Variants in TPRG1 observed in about 807,000 individuals in gnomAD.
TPRG1 encodes tumor protein p63-regulated gene 1 protein.
In TPRG1, 29 loss-of-function variants were observed where a neutral mutation model predicts 29.3. The ratio of observed to expected loss-of-function variants is 0.99; its 90% CI spans 0.74 to 1.35. The LOEUF (loss-of-function observed/expected upper bound fraction) is 1.35, where lower values mean the gene tolerates loss of function less well. TPRG1 is among the 40% of genes most tolerant of loss of function. The pLI is 0.00. For synonymous variants in TPRG1, 130 were observed against 116.8 expected, an observed-to-expected ratio of 1.11 and a Z score of -0.73; for missense variants, 327 against 335.0, an observed-to-expected ratio of 0.98 and a Z score of 0.19.
intron 4 of TPRG1, among the ~76,000 whole-genome samples, chr3:189,291,379 CTT>C (rs1251394005): frequency 6.6e-6 from 1 of 152,154 alleles, no homozygotes; most frequent in African/African-American, 2.4e-5. Context: ...AATGGAGTCT[CTT>C]TTATCTCTGA....
chr3:189,042,384 G>A (rs1258256518), intron 4 of TPRG1, among the ~76,000 whole-genome samples: 1 of 152,046 alleles, frequency 6.6e-6, no homozygotes, highest in African/African-American at 2.4e-5. Flanking sequence ...TATGTCAGAG[G>A]TGAGTAAAAT....
At chr3:189,064,237 A>G (rs1716292789) in intron 4 of TPRG1, among the ~76,000 whole-genome samples, 1 of 152,174 alleles carries the variant, frequency 6.6e-6, no homozygotes, top group South Asian at 2.1e-4. Flanking sequence ...CACATTCCTC[A>G]TACAAACTAT....
chr3:189,018,232 TA>T (rs1713065217), intron 3 of TPRG1, among the ~76,000 whole-genome samples: 2 of 146,314 alleles, frequency 1.4e-5, no homozygotes, highest in Non-Finnish European at 3.0e-5. Flanking sequence ...CTCTTTAGTT[TA>T]ATTAGATCCC....
chr3:189,315,893 G>A (rs544308176), intron 5 of TPRG1, among the ~76,000 whole-genome samples: 1 of 152,130 alleles, frequency 6.6e-6, no homozygotes, highest in African/African-American at 2.4e-5. Flanking sequence ...TTGTAAATAG[G>A]GGGAGCCCAA....
chr3:189,220,984 T>C (rs999696627), intron 3 of TPRG1, among the ~76,000 whole-genome samples: 1 of 152,196 alleles, frequency 6.6e-6, no homozygotes, highest in Admixed American at 6.5e-5. Context: ...TTTTATAAAG[T>C]TACTCAATCA....
intron 4 of TPRG1, among the ~76,000 whole-genome samples, chr3:189,062,196 A>C (rs1716155041): frequency 1.3e-5 from 2 of 152,172 alleles, no homozygotes; most frequent in South Asian, 4.1e-4. Flanking sequence ...AGAGAAAGTC[A>C]AATACCACGT....
At chr3:189,280,306 GAATA>G (rs796155358) in intron 4 of TPRG1, among the ~76,000 whole-genome samples, 3 of 82,360 alleles carry the variant, frequency 3.6e-5, no homozygotes, top group African/African-American at 3.3e-4. Context: ...TAAATGAATG[GAATA>G]ATATATATAA....
At chr3:189,075,355 G>A (rs1463317664) in intron 4 of TPRG1, among the ~76,000 whole-genome samples, 5 of 151,148 alleles carry the variant, frequency 3.3e-5, no homozygotes, top group Non-Finnish European at 7.4e-5. Context: ...GGCTGTTCTC[G>A]AACTCCTGAC....
intron 1 of TPRG1, among the ~76,000 whole-genome samples, chr3:189,000,089 A>G (rs1156457127): frequency 6.6e-6 from 1 of 152,156 alleles, no homozygotes; most frequent in Non-Finnish European, 1.5e-5. Context: ...TTACATTCTT[A>G]TTATTTCAGT....
intron 4 of TPRG1, among the ~76,000 whole-genome samples, chr3:189,091,854 AT>A (rs1050050580): frequency 2.0e-5 from 3 of 150,934 alleles, no homozygotes; most frequent in East Asian, 2.0e-4. Context: ...TGTTTCCCAC[AT>A]TTTTTTTCAG....
chr3:189,157,460 T>G (rs1386661936), intron 5 of TPRG1, among the ~76,000 whole-genome samples: 1 of 152,126 alleles, frequency 6.6e-6, no homozygotes, highest in African/African-American at 2.4e-5. Context: ...CATGCTTCCT[T>G]TCCAGAATGA....
intron 1 of TPRG1, among the ~76,000 whole-genome samples, chr3:189,115,656 A>T (rs1194178752): frequency 1.3e-5 from 2 of 152,232 alleles, no homozygotes; most frequent in Admixed American, 1.3e-4. Context: ...ACTGTGTTCC[A>T]CAATGTTACA....
chr3:189,148,511 A>G (rs955710755), intron 4 of TPRG1, among the ~76,000 whole-genome samples: 10 of 152,190 alleles, frequency 6.6e-5, no homozygotes, highest in African/African-American at 2.4e-4. Context: ...AAAGGAGGAG[A>G]AAGTTTATTT....
intron 1 of TPRG1, among the ~76,000 whole-genome samples, chr3:189,111,428 T>C (rs1720513553): frequency 6.6e-6 from 1 of 152,124 alleles, no homozygotes. Flanking sequence ...TTATAATTTT[T>C]CAACTTTATG....
intron 3 of TPRG1, among the ~76,000 whole-genome samples, chr3:189,020,120 C>G (rs1376767958): frequency 6.6e-6 from 1 of 151,914 alleles, no homozygotes; most frequent in East Asian, 1.9e-4. Flanking sequence ...ATTCTTCTCT[C>G]TTTTTTTCTT....
Position 189,215,272 on chromosome 3 carries a change from A to AT in TPRG1, c.211-16dup, listed in dbSNP as rs1560563040. On this transcript the variant is annotated intron_variant, in intron 2 of 5. Transcript: ENST00000345063. ...GGGCTAAGTCTGCTCTAAACTAGGT[A>AT]TTTTCTCCTTTCCACACAGCCGGGG... The AT allele has an allele frequency of 1.2e-6, 2 of 1,600,212 alleles. No homozygotes were observed. Among genetic ancestry groups the AT allele is most frequent in the Admixed American group, 3.6e-5 (2 of 56,186 alleles).
intron 4 of TPRG1, among the ~76,000 whole-genome samples, chr3:189,074,543 G>C (rs1448457238): frequency 1.3e-5 from 2 of 151,916 alleles, no homozygotes; most frequent in Non-Finnish European, 2.9e-5. Context: ...ACTCTTTCTG[G>C]AACTCATATT....
intron 4 of TPRG1, among the ~76,000 whole-genome samples, chr3:189,025,649 T>C (rs1326654826): frequency 6.6e-6 from 1 of 152,190 alleles, no homozygotes; most frequent in Non-Finnish European, 1.5e-5. Flanking sequence ...ACTCTAATGG[T>C]TGACATGTCC....
At chr3:189,007,971 G>A (rs1217011694) in intron 3 of TPRG1, among the ~76,000 whole-genome samples, 5 of 148,594 alleles carry the variant, frequency 3.4e-5, no homozygotes, top group African/African-American at 7.6e-5. Context: ...CGGGTGCAGC[G>A]CACCAGCATG....
Sources: allele counts gnomAD v4.1 joint callset (sites outside exome capture counted in the v4.1 genomes callset), GRCh38; gene constraint gnomAD v4.1.1; transcripts MANE v1.5; gene names NCBI Gene and HGNC (gene_info 2026-07-23, HGNC 2026-07-21).